Variants in COL4A6 observed in about 807,000 individuals in gnomAD.
COL4A6 encodes the protein collagen alpha-6(IV) chain.
In COL4A6, 59 loss-of-function variants were observed where a neutral mutation model predicts 126.7. That is an observed-to-expected ratio of 0.47 (90% confidence interval 0.38 to 0.58). The LOEUF (loss-of-function observed/expected upper bound fraction) is 0.58, where lower values mean the gene tolerates loss of function less well. COL4A6 is among the 20% of genes least tolerant of loss of function. The pLI is 0.00. For synonymous variants in COL4A6, 547 were observed against 496.6 expected (o/e 1.10, Z -1.35); for missense variants, 1,285 against 1,337.3 (o/e 0.96, Z 0.61).
rs1414985202 is a variant in COL4A6 at position 108,159,637 on chromosome X, G to C, written c.4637C>G (p.Thr1546Ser). The C allele has an allele frequency of 8.2e-7, 1 of 1,212,315 alleles. No homozygotes were observed. The highest frequency in any genetic ancestry group is 1.1e-6 in the Non-Finnish European group (1 of 895,632). Residue 1546 changes from threonine to serine, a missense_variant, in exon 44 of 45, where the codon ACT becomes AGT. Transcript: ENST00000334504. ...GGGCATCATGGGGATAGGGGCGGTA[G>C]TGGAGAGCCAGTAAGATTTATCATT... ...RRNDKSYWLS[T>S]TAPIPMMPVS...
intron 2 of COL4A6, among the ~76,000 whole-genome samples, chrX:108,324,232 C>G (rs2039098613): frequency 8.9e-6 from 1 of 111,834 alleles, no homozygotes; most frequent in Non-Finnish European, 1.9e-5. Context: ...AAGGGCAGTG[C>G]CATTTCTGTC....
At position 108,196,522 on chromosome X, in the gene COL4A6, G is replaced by C. The variant is rs1214127576; in HGVS notation, c.892C>G (p.Pro298Ala). Reference sequence around the variant, plus strand: ...TTCGAGGTTCATACCCTAGGTCCTGGCAAACCAGGGATTCCCTTTTCTCCC... The same window carrying C: ...TTCGAGGTTCATACCCTAGGTCCTGCCAAACCAGGGATTCCCTTTTCTCCC... The part of the protein sequence containing the change: ...EKGEKGIPGL[P>A]GPRGPMGSEG... The change falls in exon 14 of 45, where the codon CCA (proline) becomes GCA (alanine). Residue 298 changes from proline (P) to alanine (A), a missense_variant. Transcript: ENST00000334504. 1.7e-6 allele frequency: 2 copies of C among 1,208,969 alleles called. No individual in the cohort carries two copies. Among genetic ancestry groups the C allele is most frequent in the South Asian group, 3.5e-5 (2 of 56,455 alleles).
At chrX:108,258,242 CT>C (rs1368955617) in intron 3 of COL4A6, among the ~76,000 whole-genome samples, 4 of 112,044 alleles carry the variant, frequency 3.6e-5, no homozygotes, top group Non-Finnish European at 5.7e-5. Flanking sequence ...ACTTTTACAA[CT>C]TTACCTTTTA....
At chrX:108,324,445 A>T (rs1429741741) in intron 2 of COL4A6, among the ~76,000 whole-genome samples, 1 of 112,143 alleles carries the variant, frequency 8.9e-6, no homozygotes, top group East Asian at 2.8e-4. Flanking sequence ...TTCTGTTAGT[A>T]AGAATTTACT....
rs181966785 is a variant in COL4A6 at position 108,172,731 on chromosome X, A to C, written c.3139-199T>G. 5.7e-3 allele frequency among the ~76,000 whole-genome samples: 636 copies of C among 111,558 alleles called. 5 individuals carry two copies. Among genetic ancestry groups the C allele is most frequent in the African/African-American group, 0.019 (594 of 30,655 alleles). Reference sequence around the variant, plus strand: ...TGAACAAAGGGCAGAGCACATACTTAGGGTTTGTAGGGGAAGGATTCGATT... The same window carrying C: ...TGAACAAAGGGCAGAGCACATACTTCGGGTTTGTAGGGGAAGGATTCGATT... On this transcript the variant is annotated intron_variant, in intron 31 of 44. Coordinates refer to ENST00000334504, the MANE Select transcript of COL4A6 (RefSeq NM_033641.4).
intron 2 of COL4A6, among the ~76,000 whole-genome samples, chrX:108,402,842 C>T: frequency 9.0e-6 from 1 of 110,847 alleles, no homozygotes. Flanking sequence ...TTGTAATTTG[C>T]TTTAGGGCCG....
chrX:108,321,695 C>T (rs1338979644), intron 2 of COL4A6, among the ~76,000 whole-genome samples: 3 of 110,693 alleles, frequency 2.7e-5, no homozygotes, highest in African/African-American at 9.9e-5. Flanking sequence ...AAAAATAATA[C>T]AAGATGCTGA....
At chrX:108,247,217 C>T (rs932297068) in intron 3 of COL4A6, among the ~76,000 whole-genome samples, 4 of 111,356 alleles carry the variant, frequency 3.6e-5, no homozygotes, top group Non-Finnish European at 7.5e-5. Flanking sequence ...CCTTCCTAGC[C>T]TGTGACCTTG....
intron 2 of COL4A6, among the ~76,000 whole-genome samples, chrX:108,374,123 A>C (rs1444517901): frequency 1.8e-5 from 2 of 112,485 alleles, no homozygotes; most frequent in East Asian, 5.6e-4. Context: ...CACAAACCAA[A>C]GGCAGAGAAG....
chrX:108,310,097 A>C (rs776395600), intron 3 of COL4A6, among the ~76,000 whole-genome samples: 7 of 111,520 alleles, frequency 6.3e-5, no homozygotes, highest in African/African-American at 2.3e-4. Flanking sequence ...ACAAATATCT[A>C]GGGGCTATGC....
rs570589404 is a variant in COL4A6 at position 108,431,124 on chromosome X, A to G, written c.63+6818T>C. ...AGGACAAGAGACTGATAAAGATTAT[A>G]AATTCCATAAGAGCAAAGTTCATGG... is the stretch of plus-strand genomic sequence containing the variant. On this transcript the variant is annotated intron_variant, in intron 2 of 44. Transcript: ENST00000334504. Among the ~76,000 whole-genome samples, 19 of 112,144 alleles carry G rather than the reference A, an allele frequency of 1.7e-4. No homozygotes were observed. In the South Asian group the frequency reaches 7.1e-3, roughly 42 times the overall value.
chrX:108,407,124 A>G (rs1231780948), intron 2 of COL4A6, among the ~76,000 whole-genome samples: 7 of 112,583 alleles, frequency 6.2e-5, no homozygotes. Context: ...AGCGAATTAT[A>G]TGTAATAGAA....
chrX:108,307,748 T>C (rs2038661530), intron 3 of COL4A6, among the ~76,000 whole-genome samples: 1 of 111,624 alleles, frequency 9.0e-6, no homozygotes, highest in African/African-American at 3.3e-5. Context: ...CCCAAATCTT[T>C]CTGACATCTG....
intron 23 of COL4A6, 65 bp from the exon 24 acceptor site, chrX:108,181,033 C>T: frequency 2.1e-6 from 2 of 940,635 alleles, no homozygotes; most frequent in Non-Finnish European, 1.5e-6. Flanking sequence ...CCCTAGTACG[C>T]TCCTTTACTT....
intron 3 of COL4A6, among the ~76,000 whole-genome samples, chrX:108,240,490 T>C (rs1052828191): frequency 4.4e-5 from 5 of 112,389 alleles, no homozygotes; most frequent in African/African-American, 1.6e-4. Flanking sequence ...TCTGTTGTTA[T>C]TGTAAATGGT....
intron 23 of COL4A6, among the ~76,000 whole-genome samples, chrX:108,186,454 A>G (rs184785045): frequency 1.8e-5 from 2 of 112,466 alleles, no homozygotes; most frequent in Admixed American, 1.9e-4. Context: ...TAATGGAAGC[A>G]TAGAAGTTGT....
chrX:108,359,660 AC>A (rs1453330188), intron 2 of COL4A6, among the ~76,000 whole-genome samples: 1 of 112,406 alleles, frequency 8.9e-6, no homozygotes, highest in Non-Finnish European at 1.9e-5. Flanking sequence ...AGGACTCAAT[AC>A]AAACAAGTTC....
At chrX:108,160,377 T>C in intron 43 of COL4A6, 86 bp downstream of exon 43, 10 of 954,085 alleles carry the variant, frequency 1.0e-5, no homozygotes, top group Non-Finnish European at 1.4e-5. Context: ...ACAGTGGACC[T>C]AGAAAGGGCT....
At chrX:108,170,788 AG>A (rs1356514537) in intron 34 of COL4A6, 21 bp downstream of exon 34, 1 of 1,204,750 alleles carries the variant, frequency 8.3e-7, no homozygotes, top group Non-Finnish European at 1.1e-6. Flanking sequence ...TTTCAGAATA[AG>A]GTTATCATGT....
Sources: allele counts gnomAD v4.1 joint callset (sites outside exome capture counted in the v4.1 genomes callset), GRCh38; gene constraint gnomAD v4.1.1; transcripts MANE v1.5; gene names NCBI Gene and HGNC (gene_info 2026-07-23, HGNC 2026-07-21).